Variants in PAICS observed in about 807,000 individuals in gnomAD.
PAICS encodes bifunctional phosphoribosylaminoimidazole carboxylase/phosphoribosylaminoimidazole succinocarboxamide synthetase.
PAICS carries 33 observed loss-of-function variants against 53.7 expected under a neutral mutation model. The ratio of observed to expected loss-of-function variants is 0.61; its 90% CI spans 0.47 to 0.82. The LOEUF is 0.82. PAICS is among the 40% of genes least tolerant of loss of function. The pLI is 0.00. For synonymous variants in PAICS, 141 were observed against 167.2 expected, an observed-to-expected ratio of 0.84 and a Z score of 1.21; for missense variants, 394 against 494.1, an observed-to-expected ratio of 0.80 and a Z score of 1.92.
At chr4:56,440,105 C>T (rs531555069) in intron 1 of PAICS, among the ~76,000 whole-genome samples, 1 of 152,208 alleles carries the variant, frequency 6.6e-6, no homozygotes, top group African/African-American at 2.4e-5. Context: ...AGTCTAAACT[C>T]AATCAGCATG....
chr4:56,448,101 G>A (rs1250534131), intron 3 of PAICS, among the ~76,000 whole-genome samples: 6 of 146,300 alleles, frequency 4.1e-5, no homozygotes, highest in Non-Finnish European at 8.9e-5. Context: ...TCCACCTCCC[G>A]GGTTTAAATG....
the PAICS span, chr4:56,422,528 T>C: frequency 6.7e-6 from 1 of 149,340 alleles, no homozygotes; most frequent in African/African-American, 2.5e-5. Flanking sequence ...ACAAAGTATA[T>C]ACATAAAATG....
At position 56,450,685 on chromosome 4, in the gene PAICS, G is replaced by C. The variant is rs866870232; in HGVS notation, c.754G>C (p.Val252Leu). 1 of 1,512,088 alleles carries C rather than the reference G, an allele frequency of 6.6e-7. No individual in the cohort carries two copies. Among genetic ancestry groups the C allele is most frequent in the African/African-American group, 1.4e-5 (1 of 72,538 alleles). 93.7% of individuals were successfully genotyped at this position (1,512,088 alleles called of 1,614,324 possible). ...LQMVKKNFEW[V>L]AERVELLLKS... ...AATGGTAAAGAAAAACTTTGAGTGG[G>C]TTGCAGAGAGAGTAGAGGTAAACCT... The change falls in exon 6 of 9, where the codon GTT (valine) becomes CTT (leucine). Residue 252 changes from valine (V) to leucine (L), a missense_variant. Physicochemically the swap from Val to Leu is conservative, Grantham distance 32. Coordinates refer to ENST00000512576, the MANE Select transcript of PAICS (RefSeq NM_001079524.2).
At chr4:56,458,862 T>C (rs1486597067) in intron 8 of PAICS, among the ~76,000 whole-genome samples, 1 of 152,228 alleles carries the variant, frequency 6.6e-6, no homozygotes, top group Non-Finnish European at 1.5e-5. Context: ...TAATATTTAT[T>C]TATAACTTGA....
At chr4:56,441,058 AAT>A (rs1718311299) in intron 1 of PAICS, among the ~76,000 whole-genome samples, 1 of 152,160 alleles carries the variant, frequency 6.6e-6, no homozygotes, top group Admixed American at 6.5e-5. Flanking sequence ...AGGATTAAGA[AAT>A]AGAGAGGGAT....
chr4:56,450,928 C>A (rs555717915), intron 6 of PAICS: 1 of 370,700 alleles, frequency 2.7e-6, no homozygotes, highest in South Asian at 3.7e-5. Flanking sequence ...CGCCATTCTC[C>A]TAGCTCAGCC....
chr4:56,428,428 A>G, the PAICS span, among the ~76,000 whole-genome samples: 3 of 152,220 alleles, frequency 2.0e-5, no homozygotes, highest in African/African-American at 4.8e-5. Context: ...CAGAAGATTA[A>G]TTAATGCAGT....
the PAICS span, among the ~76,000 whole-genome samples, chr4:56,412,238 C>T: frequency 1.3e-5 from 2 of 152,000 alleles, no homozygotes; most frequent in Admixed American, 6.6e-5. Context: ...ACTATCCTTA[C>T]AACATAACTA....
chr4:56,459,594 A>G lies in PAICS; in HGVS notation c.*56A>G. ...AAACTACAAATTTCTAATTTAGCTGAAGGAAAATCAAGCAAGATGAAAAGG... is the reference window on the plus strand; with the variant it reads ...AAACTACAAATTTCTAATTTAGCTGGAGGAAAATCAAGCAAGATGAAAAGG... On this transcript the variant is annotated 3_prime_UTR_variant, in exon 9 of 9. Transcript: ENST00000512576. 4.7e-6 allele frequency: 6 copies of G among 1,267,878 alleles called. No homozygotes were observed. Among genetic ancestry groups the G allele is most frequent in the Non-Finnish European group, 5.5e-6 (5 of 910,032 alleles). 78.5% of individuals were successfully genotyped at this position (1,267,878 alleles called of 1,614,324 possible).
At chr4:56,428,103 T>C in the PAICS span, among the ~76,000 whole-genome samples, 2 of 152,256 alleles carry the variant, frequency 1.3e-5, no homozygotes, top group Non-Finnish European at 2.9e-5. Context: ...TGTTTGAATA[T>C]GGACACAAAA....
the PAICS span, among the ~76,000 whole-genome samples, chr4:56,425,157 G>T: frequency 2.6e-3 from 395 of 152,068 alleles, 3 homozygotes; most frequent in African/African-American, 9.1e-3. Context: ...CATCTCAAAG[G>T]GTACGCTAAG....
intron 2 of PAICS, among the ~76,000 whole-genome samples, chr4:56,443,634 A>G (rs1718448164): frequency 6.6e-6 from 1 of 152,228 alleles, no homozygotes; most frequent in East Asian, 1.9e-4. Context: ...CTACAGGATT[A>G]TATTAAGTAA....
At chr4:56,436,486 C>G in intron 1 of PAICS, 158 bp downstream of exon 1, 1 of 727,326 alleles carries the variant, frequency 1.4e-6, no homozygotes, top group Middle Eastern at 2.3e-4. Context: ...CCCGGGCCTC[C>G]CCGAACTTTA....
the PAICS span, among the ~76,000 whole-genome samples, chr4:56,414,567 T>C: frequency 0.027 from 4,089 of 152,308 alleles, 203 homozygotes; most frequent in African/African-American, 0.092. Context: ...CTTTAAAATC[T>C]CCAGAGCCTC....
chr4:56,413,730 T>C, the PAICS span, among the ~76,000 whole-genome samples: 1 of 151,934 alleles, frequency 6.6e-6, no homozygotes, highest in Non-Finnish European at 1.5e-5. Context: ...ACCCCGTCTC[T>C]ACTAAAAATA....
At chr4:56,430,262 G>A in the PAICS span, among the ~76,000 whole-genome samples, 1 of 152,142 alleles carries the variant, frequency 6.6e-6, no homozygotes, top group Non-Finnish European at 1.5e-5. Context: ...GTGGAAGGCA[G>A]GGTCATAGGG....
intron 1 of PAICS, chr4:56,436,624 T>C: frequency 3.0e-6 from 2 of 661,654 alleles, no homozygotes; most frequent in Non-Finnish European, 5.6e-6. Flanking sequence ...CAGTCTTGAT[T>C]CGTCAAAACC....
At chr4:56,447,715 T>G (rs1263798569) in intron 3 of PAICS, among the ~76,000 whole-genome samples, 1 of 152,224 alleles carries the variant, frequency 6.6e-6, no homozygotes, top group African/African-American at 2.4e-5. Context: ...TGAAATACTT[T>G]GTGACCTAGA....
upstream of PAICS, among the ~76,000 whole-genome samples, chr4:56,434,359 C>A (rs926887782): frequency 1.3e-5 from 2 of 152,148 alleles, no homozygotes; most frequent in Non-Finnish European, 2.9e-5. Context: ...CGTGTTATTG[C>A]CAAGTTCCTT....
Sources: allele counts gnomAD v4.1 joint callset (sites outside exome capture counted in the v4.1 genomes callset), GRCh38; gene constraint gnomAD v4.1.1; transcripts MANE v1.5; gene names NCBI Gene and HGNC (gene_info 2026-07-23, HGNC 2026-07-21).